The following CADPS2 variants were observed in gnomAD, a reference collection of about 807,000 sequenced individuals.
CADPS2 encodes calcium dependent secretion activator 2.
CADPS2 carries 93 observed loss-of-function variants against 172.5 expected under a neutral mutation model. That is an observed-to-expected ratio of 0.54 (90% confidence interval 0.46 to 0.64). The LOEUF (loss-of-function observed/expected upper bound fraction) is 0.64, where lower values mean the gene tolerates loss of function less well. Among genes scored for constraint, CADPS2 ranks in the 30% least tolerant of loss-of-function variants. The probability of loss-of-function intolerance (pLI) is 0.00; values close to 1 mark genes in which losing one functional copy is unlikely to be tolerated. For missense variants in CADPS2, 1,420 were observed against 1,565.9 expected, an observed-to-expected ratio of 0.91 and a Z score of 1.57; for synonymous variants, 546 against 555.2, an observed-to-expected ratio of 0.98 and a Z score of 0.23.
intron 6 of CADPS2, among the ~76,000 whole-genome samples, chr7:122,583,298 C>T (rs775826352): frequency 1.3e-5 from 2 of 151,840 alleles, no homozygotes; most frequent in Admixed American, 6.6e-5. Flanking sequence ...AAAGTGAAAA[C>T]CAACATTCCT....
intron 17 of CADPS2, among the ~76,000 whole-genome samples, chr7:122,431,702 G>A (rs1334223755): frequency 1.3e-5 from 2 of 152,084 alleles, no homozygotes. Flanking sequence ...TTATTGCAAA[G>A]TATTGTCTTA....
chr7:122,634,112 T>A (rs1237437611), intron 3 of CADPS2, among the ~76,000 whole-genome samples: 1 of 152,168 alleles, frequency 6.6e-6, no homozygotes, highest in Non-Finnish European at 1.5e-5. Context: ...TTTGTGACTA[T>A]ATTCATTAGG....
intron 20 of CADPS2, 122 bp from the exon 21 acceptor site, chr7:122,393,704 T>A: frequency 2.1e-6 from 2 of 959,172 alleles, no homozygotes. Flanking sequence ...AAAATGCAGA[T>A]GAGAGTAGAT....
intron 1 of CADPS2, among the ~76,000 whole-genome samples, chr7:122,827,090 T>C (rs535083686): frequency 2.8e-4 from 42 of 152,134 alleles, no homozygotes; most frequent in African/African-American, 9.6e-4. Context: ...AAGAATGAGA[T>C]GGGTGCTATC....
At chr7:122,480,960 C>A in intron 11 of CADPS2, 100 bp from the exon 12 acceptor site, 1 of 972,946 alleles carries the variant, frequency 1.0e-6, no homozygotes, top group South Asian at 2.4e-5. Context: ...TTCTCAATTT[C>A]TACTCATGAT....
chr7:122,742,576 G>C (rs2092541527), intron 1 of CADPS2, among the ~76,000 whole-genome samples: 1 of 152,088 alleles, frequency 6.6e-6, no homozygotes, highest in Admixed American at 6.6e-5. Context: ...ATAAGTGAGA[G>C]GGCCACTTCC....
At chr7:122,757,361 C>T (rs2093207774) in intron 1 of CADPS2, among the ~76,000 whole-genome samples, 1 of 152,018 alleles carries the variant, frequency 6.6e-6, no homozygotes, top group South Asian at 2.1e-4. Context: ...GTTGTCCAGG[C>T]TGGTCTCAAA....
At chr7:122,760,437 A>G (rs893526262) in intron 1 of CADPS2, among the ~76,000 whole-genome samples, 1 of 152,132 alleles carries the variant, frequency 6.6e-6, no homozygotes, top group Non-Finnish European at 1.5e-5. Context: ...TATAATAGTA[A>G]GAGTCAACAG....
At chr7:122,696,022 C>T (rs762592611) in intron 2 of CADPS2, among the ~76,000 whole-genome samples, 4 of 152,196 alleles carry the variant, frequency 2.6e-5, no homozygotes, top group Non-Finnish European at 5.9e-5. Context: ...ACTGCCAACA[C>T]TACAGATGCA....
chr7:122,669,159 T>G (rs570504977), intron 2 of CADPS2, among the ~76,000 whole-genome samples: 1 of 151,980 alleles, frequency 6.6e-6, no homozygotes. Context: ...GGCGAAACCC[T>G]GCTCTACCAA....
chr7:122,658,866 T>G (rs887282758), intron 3 of CADPS2, among the ~76,000 whole-genome samples: 1 of 152,134 alleles, frequency 6.6e-6, no homozygotes, highest in Non-Finnish European at 1.5e-5. Context: ...ACATGTACCC[T>G]AGAACTTAAA....
chr7:122,886,441 C>A lies in CADPS2; in HGVS notation c.-104G>T. On this transcript the variant is annotated 5_prime_UTR_variant, in exon 1 of 30. Coordinates refer to ENST00000449022, the MANE Select transcript of CADPS2 (RefSeq NM_017954.11). ...GAGCCGCGGGGCTGGCTGCAGCGGC[C>A]GCAGAACGAAAGGAAAACTGGCCAG... The A allele has an allele frequency of 7.2e-7, 1 of 1,387,690 alleles. No homozygotes were observed. Among genetic ancestry groups the A allele is most frequent in the Non-Finnish European group, 9.3e-7 (1 of 1,080,410 alleles). The allele number at this position is 1,387,690 out of a possible 1,614,324, so 86.0% of individuals were successfully genotyped here. A position where few individuals can be genotyped will look rare whatever the true frequency, so the allele number is the denominator to read the frequency against.
rs1266683590 is a variant in CADPS2 at position 122,444,325 on chromosome 7, T to C, written c.2289-2750A>G. On this transcript the variant is annotated intron_variant, in intron 15 of 29. Transcript: ENST00000449022. ...CTTCCATTTCTCTTGGGAAAATACCTAGGAATGGAATGGCTGGGTCATATG... is the reference window on the plus strand; with the variant it reads ...CTTCCATTTCTCTTGGGAAAATACCCAGGAATGGAATGGCTGGGTCATATG... Among the ~76,000 whole-genome samples the C allele has an allele frequency of 5.3e-5, 8 of 152,140 alleles. No individual in the cohort carries two copies. In the East Asian group the frequency reaches 1.5e-3, roughly 29 times the overall value.
intron 8 of CADPS2, among the ~76,000 whole-genome samples, chr7:122,532,369 C>T (rs559366887): frequency 1.0e-3 from 156 of 152,290 alleles, no homozygotes; most frequent in African/African-American, 3.3e-3. Context: ...ATATTCCAAA[C>T]ATATTAATAA....
intron 25 of CADPS2, among the ~76,000 whole-genome samples, chr7:122,376,899 G>A (rs772736476): frequency 6.6e-6 from 1 of 151,898 alleles, no homozygotes; most frequent in Non-Finnish European, 1.5e-5. Context: ...TCAATAAAAT[G>A]GTTTTAAAAA....
chr7:122,698,336 CAA>C (rs1210319157), intron 2 of CADPS2: 2 of 1,613,880 alleles, frequency 1.2e-6, no homozygotes, highest in African/African-American at 1.3e-5. Context: ...GTGACAATCA[CAA>C]AAGAGACCAA....
intron 20 of CADPS2, among the ~76,000 whole-genome samples, chr7:122,396,055 C>T (rs191872857): frequency 6.6e-5 from 10 of 152,314 alleles, no homozygotes; most frequent in African/African-American, 2.2e-4. Flanking sequence ...GGTGATCCAC[C>T]CGCCTCGGCT....
intron 15 of CADPS2, among the ~76,000 whole-genome samples, chr7:122,450,723 T>C (rs1469134867): frequency 1.3e-5 from 2 of 151,632 alleles, no homozygotes; most frequent in African/African-American, 2.4e-5. Context: ...TTTATAGAGA[T>C]GGGGTTTCAC....
At chr7:122,323,520 T>C (rs953032814) in intron 29 of CADPS2, among the ~76,000 whole-genome samples, 1 of 152,088 alleles carries the variant, frequency 6.6e-6, no homozygotes, top group Non-Finnish European at 1.5e-5. Flanking sequence ...TCACACTGTA[T>C]ATCTTGAGTA....
Sources: allele counts gnomAD v4.1 joint callset (sites outside exome capture counted in the v4.1 genomes callset), GRCh38; gene constraint gnomAD v4.1.1; transcripts MANE v1.5; gene names NCBI Gene and HGNC (gene_info 2026-07-23, HGNC 2026-07-21).